The following ATOH8 variants were observed in gnomAD, a reference collection of about 807,000 sequenced individuals.
ATOH8 encodes the protein transcription factor ATOH8.
In ATOH8, 9 loss-of-function variants were observed where a neutral mutation model predicts 21.2. That is an observed-to-expected ratio of 0.42 (90% CI 0.26 to 0.74). ATOH8 has a LOEUF of 0.74. Ranked by LOEUF, ATOH8 falls within the 30% of genes least tolerant of loss-of-function variation. The probability of loss-of-function intolerance (pLI) is 0.24; values close to 1 mark genes in which losing one functional copy is unlikely to be tolerated. For missense variants in ATOH8, 524 were observed against 470.9 expected (o/e 1.11, Z -1.04); for synonymous variants, 253 against 224.0 (o/e 1.13, Z -1.16).
Position 85,764,131 on chromosome 2 carries a change from G to T in ATOH8, c.909G>T (p.Val303=). ...GCAACCTCAGCTTCTCCGAGTGTGT[G>T]CAGCGCTGCACCCGCACCCTGCAGG... is the stretch of plus-strand genomic sequence containing the variant. ...DHSNLSFSEC[V]QRCTRTLQAE... The change falls in exon 2 of 3, where the codon GTG becomes GTT. Residue 303 remains valine (V), a synonymous_variant. Coordinates refer to ENST00000306279, the MANE Select transcript of ATOH8 (RefSeq NM_032827.7). The T allele has an allele frequency of 1.2e-6, 2 of 1,614,184 alleles. No homozygotes were observed. Among genetic ancestry groups the T allele is most frequent in the Non-Finnish European group, 8.5e-7 (1 of 1,180,034 alleles).
chr2:85,788,490 A>T lies in ATOH8; in HGVS notation c.*1600A>T, dbSNP rs1680681198. The stretch of plus-strand genomic sequence containing the variant: ...TCAAACCTTTTCCAGCCCCATCACC[A>T]GTCCCAGCCCAAAGTCTCTTGTGTG... On this transcript the variant is annotated 3_prime_UTR_variant, in exon 3 of 3. Transcript: ENST00000306279. Among the ~76,000 whole-genome samples the T allele has an allele frequency of 6.6e-6, 1 of 152,156 alleles. No individual in the cohort carries two copies. The highest frequency in any genetic ancestry group is 2.4e-5 in the African/African-American group (1 of 41,434).
intron 2 of ATOH8, among the ~76,000 whole-genome samples, chr2:85,771,373 C>T (rs1680176594): frequency 1.3e-5 from 2 of 152,146 alleles, no homozygotes; most frequent in African/African-American, 4.8e-5. Flanking sequence ...TTAAACAAGA[C>T]CCCATATGAG....
intron 2 of ATOH8, among the ~76,000 whole-genome samples, chr2:85,767,562 T>C (rs1366902774): frequency 5.8e-3 from 117 of 20,344 alleles, no homozygotes; most frequent in Middle Eastern, 0.042. Context: ...GTATTCCCTC[T>C]TCCCCTCCCC....
At position 85,764,021 on chromosome 2, in the gene ATOH8, T is replaced by A. The variant is rs142344847; in HGVS notation, c.799T>A (p.Ser267Thr). The change falls in exon 2 of 3, where the codon TCC (serine) becomes ACC (threonine). Residue 267 changes from serine to threonine, a missense_variant. Transcript: ENST00000306279. ...GTGCTACTCATATGGGCAGAAGCTGTCCAAACTGGCCATCCTGAGGATCGC... is the reference window on the plus strand; with the variant it reads ...GTGCTACTCATATGGGCAGAAGCTGACCAAACTGGCCATCCTGAGGATCGC... ...VPCYSYGQKL[S>T]KLAILRIACN... is the part of the protein sequence containing the mutation. 2.4e-5 allele frequency: 39 copies of A among 1,614,082 alleles called. No homozygotes were observed. In the African/African-American group the frequency reaches 4.8e-4, roughly 20 times the overall value.
At chr2:85,768,953 C>T (rs546024640) in intron 2 of ATOH8, among the ~76,000 whole-genome samples, 22 of 152,248 alleles carry the variant, frequency 1.4e-4, no homozygotes, top group East Asian at 3.9e-4. Context: ...GTTCTGACTC[C>T]GGCTGCAGCC....
In ATOH8 at chr2:85,785,895, T is replaced by G. The variant is rs1369756595; in HGVS notation, c.961-990T>G. Among the ~76,000 whole-genome samples the G allele has an allele frequency of 2.6e-5, 4 of 152,190 alleles. No homozygotes were observed. Among genetic ancestry groups the G allele is most frequent in the African/African-American group, 9.7e-5 (4 of 41,438 alleles). On this transcript the variant is annotated intron_variant, in intron 2 of 2. Coordinates refer to ENST00000306279, the MANE Select transcript of ATOH8 (RefSeq NM_032827.7). This position sits in a 1 kb window ranked among gnomAD's most constrained non-coding sequence, Gnocchi z 4.1. ...TGGAGTTGCTTTAAGAGGGTTATGT[T>G]GTACCAGGTTCAGGGACTTTGTTAT...
chr2:85,775,209 C>A (rs752596705), intron 2 of ATOH8: 311 of 984,626 alleles, frequency 3.2e-4, no homozygotes, highest in Non-Finnish European at 3.7e-4. Flanking sequence ...GTGTCTCTGG[C>A]TAGACTGTGA....
rs768713328 is a variant in ATOH8, at chr2:85,786,914, C to T, written c.*24C>T. ...GACTGGCTGCAGGCAAGACCAAGGC[C>T]ACCACTGTGGGCCCTCCTTCCAGTC... On this transcript the variant is annotated 3_prime_UTR_variant, in exon 3 of 3. Transcript: ENST00000306279. 3 of 1,614,128 alleles carry T rather than the reference C, an allele frequency of 1.9e-6. No individual in the cohort carries two copies. In the South Asian group the frequency reaches 3.3e-5, roughly 18 times the overall value.
At chr2:85,771,999 C>T (rs575628724) in intron 2 of ATOH8, among the ~76,000 whole-genome samples, 1 of 152,370 alleles carries the variant, frequency 6.6e-6, no homozygotes, top group South Asian at 2.1e-4. Flanking sequence ...CAGCCCGCTG[C>T]CTGAAGCTCG....
chr2:85,785,658 T>A lies in ATOH8; in HGVS notation c.961-1227T>A, dbSNP rs1680607309. ...TGTCTCAGTGAGAGCAGCCTCTGTG[T>A]GGTAGAATGAACACTGCCGATCTGG... On this transcript the variant is annotated intron_variant, in intron 2 of 2. Transcript: ENST00000306279. This position sits in a 1 kb window ranked among gnomAD's most constrained non-coding sequence, Gnocchi z 4.1. Among the ~76,000 whole-genome samples the A allele has an allele frequency of 2.0e-5, 3 of 152,142 alleles. No individual in the cohort carries two copies.
Position 85,754,245 on chromosome 2 carries a change from A to G in ATOH8, c.56A>G (p.Glu19Gly), listed in dbSNP as rs751213288. 2 of 1,608,926 alleles carry G rather than the reference A, an allele frequency of 1.2e-6. No individual in the cohort carries two copies. The highest frequency in any genetic ancestry group is 4.5e-5 in the East Asian group (2 of 44,450). ...DGPWKTVCVKELNGLKKLKRK... is the reference protein window; with the variant it reads ...DGPWKTVCVKGLNGLKKLKRK... ...CCGTGGAAGACCGTGTGCGTGAAGG[A>G]GCTGAACGGCCTTAAGAAGCTCAAG... The change falls in exon 1 of 3, where the codon GAG becomes GGG. Residue 19 changes from glutamate to glycine, a missense_variant. By Grantham distance (98) the Glu-to-Gly change is moderately conservative (BLOSUM62 -2). Coordinates refer to ENST00000306279, the MANE Select transcript of ATOH8 (RefSeq NM_032827.7).
chr2:85,759,007 G>C (rs112752161), intron 1 of ATOH8, among the ~76,000 whole-genome samples: 2,294 of 152,332 alleles, frequency 0.015, 69 homozygotes, highest in African/African-American at 0.052. Context: ...GGTTGATGGA[G>C]GATGGCAGCA....
Position 85,759,068 on chromosome 2 carries a change from G to A in ATOH8, c.768+4111G>A, listed in dbSNP as rs144122817. On this transcript the variant is annotated intron_variant, in intron 1 of 2. Coordinates refer to ENST00000306279, the MANE Select transcript of ATOH8 (RefSeq NM_032827.7). ...TTCTGCCGTGGTCCTCTCTACGGAGGACATGCCAAGCACCTGGGGCCCGGG... is the reference window on the plus strand; with the variant it reads ...TTCTGCCGTGGTCCTCTCTACGGAGAACATGCCAAGCACCTGGGGCCCGGG... 4.5e-4 allele frequency among the ~76,000 whole-genome samples: 68 copies of A among 152,322 alleles called. No homozygotes were observed. In the East Asian group the frequency reaches 0.01, roughly 23 times the overall value.
rs1680740518 is a variant in ATOH8 at position 85,790,526 on chromosome 2, T to A, written c.*3636T>A. On this transcript the variant is annotated 3_prime_UTR_variant, in exon 3 of 3. Transcript: ENST00000306279. ...AGGTGAGGTTTTGAGCAAGTGTTCA[T>A]CCCCCCACACTATGCTCCTTCCTGT... 6.6e-6 allele frequency among the ~76,000 whole-genome samples: 1 copy of A among 152,146 alleles called. No individual in the cohort carries two copies. Among genetic ancestry groups the A allele is most frequent in the South Asian group, 2.1e-4 (1 of 4,830 alleles).
chr2:85,754,547 G>A lies in ATOH8; in HGVS notation c.358G>A (p.Gly120Arg), dbSNP rs1679612417. The A allele has an allele frequency of 3.5e-6, 5 of 1,439,404 alleles. No individual in the cohort carries two copies. Among genetic ancestry groups the A allele is most frequent in the Non-Finnish European group, 4.5e-6 (5 of 1,108,254 alleles). The allele number at this position is 1,439,404 out of a possible 1,614,324, so 89.2% of individuals were successfully genotyped here. A position where few individuals can be genotyped will look rare whatever the true frequency, so the allele number is the denominator to read the frequency against. Reference protein sequence around the residue: ...RCFALGAVGPGLPTPPPPPPP... With the variant: ...RCFALGAVGPRLPTPPPPPPP... ...CTTCGCCCTAGGCGCAGTGGGGCCAGGACTCCCCACGCCGCCGCCGCCGCC... is the reference window on the plus strand; with the variant it reads ...CTTCGCCCTAGGCGCAGTGGGGCCAAGACTCCCCACGCCGCCGCCGCCGCC... Residue 120 changes from glycine to arginine, a missense_variant, in exon 1 of 3, where the codon GGA becomes AGA. Coordinates refer to ENST00000306279, the MANE Select transcript of ATOH8 (RefSeq NM_032827.7).
In ATOH8 at chr2:85,754,971, G is replaced by T. The variant is rs749397268; in HGVS notation, c.768+14G>T. On this transcript the variant is annotated intron_variant, in intron 1 of 2. Coordinates refer to ENST00000306279, the MANE Select transcript of ATOH8 (RefSeq NM_032827.7). ...CTCAGGAAGCAGGTACCCGCTCGCC[G>T]CCGCACGCCCTCACTGCGCCGGGGG... The T allele has an allele frequency of 6.3e-7, 1 of 1,578,336 alleles. No homozygotes were observed. The highest frequency in any genetic ancestry group is 1.8e-5 in the Admixed American group (1 of 55,896).
intron 1 of ATOH8, among the ~76,000 whole-genome samples, chr2:85,763,368 G>A (rs541700726): frequency 2.8e-4 from 43 of 152,228 alleles, no homozygotes; most frequent in African/African-American, 1.0e-3. Flanking sequence ...TGTGTATTAC[G>A]CCACTGTTGT....
rs1382158798 is a variant in ATOH8, at chr2:85,766,536, G to A, written c.960+2354G>A. ...ATATGAAACCACTCAGGAAGCCCTG[G>A]CTGGCCCTGCGTCTCCCCATGGGGG... On this transcript the variant is annotated intron_variant, in intron 2 of 2. Transcript: ENST00000306279. The surrounding 1 kb of genome is among the most constrained non-coding windows in gnomAD (Gnocchi z 4.0). Among the ~76,000 whole-genome samples the A allele has an allele frequency of 2.6e-5, 4 of 152,164 alleles. No homozygotes were observed. The highest frequency in any genetic ancestry group is 9.7e-5 in the African/African-American group (4 of 41,432).
chr2:85,782,324 G>A (rs750246386), intron 2 of ATOH8, among the ~76,000 whole-genome samples: 4 of 152,172 alleles, frequency 2.6e-5, no homozygotes, highest in South Asian at 2.1e-4. Context: ...GGTAAAGTGG[G>A]CATCATAGAC....
Sources: allele counts gnomAD v4.1 joint callset (sites outside exome capture counted in the v4.1 genomes callset), GRCh38; gene constraint gnomAD v4.1.1; non-coding constraint Gnocchi (gnomAD v3.1); transcripts MANE v1.5; gene names NCBI Gene and HGNC (gene_info 2026-07-23, HGNC 2026-07-21).